Variants in PCBP3 observed in about 807,000 individuals in gnomAD.
PCBP3 encodes the protein poly(rC)-binding protein 3.
In PCBP3, 25 loss-of-function variants were observed where a neutral mutation model predicts 52.7. The observed-to-expected ratio is 0.47, with a 90% CI of 0.35 to 0.66. The LOEUF (loss-of-function observed/expected upper bound fraction) is 0.66. Among genes scored for constraint, PCBP3 ranks in the 30% least tolerant of loss-of-function variants. The pLI, the probability that PCBP3 is intolerant of heterozygous loss-of-function variation, is 0.01. For missense variants in PCBP3, 391 were observed against 490.3 expected (o/e 0.80, Z 1.91); for synonymous variants, 162 against 183.0 (o/e 0.89, Z 0.93).
rs369245 is a variant in PCBP3 at position 45,917,907 on chromosome 21, G to A, written c.717+278G>A. On this transcript the variant is annotated intron_variant, in intron 13 of 17. Transcript: ENST00000681687. The surrounding 1 kb of genome is among the most constrained non-coding windows in gnomAD (Gnocchi z 5.3). Reference sequence around the variant, plus strand: ...CTCCCACGGGGCCTGGGAGGGAACTGAGACGGGCTCTGTCCCCGTGCAGGG... The same window carrying A: ...CTCCCACGGGGCCTGGGAGGGAACTAAGACGGGCTCTGTCCCCGTGCAGGG... 0.22 allele frequency: 103,481 copies of A among 474,858 alleles called. 13,265 individuals are homozygous for A. Among genetic ancestry groups the A allele is most frequent in the Non-Finnish European group, 0.28 (70,674 of 254,602 alleles). 29.4% of individuals were successfully genotyped at this position (474,858 alleles called of 1,614,324 possible).
At chr21:45,646,772 A>G (rs1347656472) in intron 1 of PCBP3, among the ~76,000 whole-genome samples, 1 of 152,230 alleles carries the variant, frequency 6.6e-6, no homozygotes, top group Non-Finnish European at 1.5e-5. Flanking sequence ...TACAATATAG[A>G]CATACATCTG....
chr21:45,817,107 G>T lies in PCBP3; in HGVS notation c.-125-32854G>T, dbSNP rs921589866. Among the ~76,000 whole-genome samples the T allele has an allele frequency of 1.3e-5, 2 of 152,154 alleles. No homozygotes were observed. Among genetic ancestry groups the T allele is most frequent in the Non-Finnish European group, 2.9e-5 (2 of 68,030 alleles). The stretch of plus-strand genomic sequence containing the variant: ...ATATGCTACGCTGTTAAGAATTTGG[G>T]GTGTTGTGTTTGTTGTTTTTGGTTT... On this transcript the variant is annotated intron_variant, in intron 4 of 17. Transcript: ENST00000681687. The surrounding 1 kb of genome is among the most constrained non-coding windows in gnomAD (Gnocchi z 4.3).
At chr21:45,785,125 T>G (rs943876585) in intron 4 of PCBP3, among the ~76,000 whole-genome samples, 12 of 148,970 alleles carry the variant, frequency 8.1e-5, no homozygotes, top group African/African-American at 3.0e-4. Context: ...GTCTGAAAAG[T>G]GAGGAGACCC....
chr21:45,902,861 G>A (rs1051985284), intron 9 of PCBP3, among the ~76,000 whole-genome samples: 2 of 152,224 alleles, frequency 1.3e-5, no homozygotes, highest in African/African-American at 4.8e-5. Flanking sequence ...TTCCACCCAG[G>A]GCAGGCGGTG....
At chr21:45,876,703 C>T (rs561980342) in intron 5 of PCBP3, among the ~76,000 whole-genome samples, 1 of 152,250 alleles carries the variant, frequency 6.6e-6, no homozygotes, top group Admixed American at 6.5e-5. Context: ...GTCCTGGCCT[C>T]GTGCAGCCTG....
chr21:45,903,161 A>G (rs987915231), intron 9 of PCBP3, among the ~76,000 whole-genome samples: 1 of 152,054 alleles, frequency 6.6e-6, no homozygotes, highest in Non-Finnish European at 1.5e-5. Flanking sequence ...TGTCTGGTGG[A>G]GGCATATGGA....
At chr21:45,803,769 C>A (rs1219609021) in intron 4 of PCBP3, among the ~76,000 whole-genome samples, 1 of 152,182 alleles carries the variant, frequency 6.6e-6, no homozygotes, top group African/African-American at 2.4e-5. Flanking sequence ...TCTCCAGGAC[C>A]CAGATGGTGA....
At chr21:45,892,171 G>A (rs2095682368) in intron 5 of PCBP3, among the ~76,000 whole-genome samples, 1 of 152,196 alleles carries the variant, frequency 6.6e-6, no homozygotes, top group Non-Finnish European at 1.5e-5. Context: ...TACGAGGTGG[G>A]CGCTGTCACA....
At chr21:45,883,913 C>T (rs2095459300) in intron 5 of PCBP3, among the ~76,000 whole-genome samples, 1 of 152,146 alleles carries the variant, frequency 6.6e-6, no homozygotes. Flanking sequence ...GGGCTTAAAT[C>T]TGCCATTTCA....
intron 1 of PCBP3, among the ~76,000 whole-genome samples, chr21:45,646,057 C>T (rs1186245344): frequency 1.8e-5 from 2 of 111,064 alleles, no homozygotes; most frequent in Non-Finnish European, 3.6e-5. Flanking sequence ...ACCTGTTTCT[C>T]TCTCTCTCTC....
chr21:45,665,635 C>T (rs2080747425), intron 1 of PCBP3, among the ~76,000 whole-genome samples: 1 of 152,066 alleles, frequency 6.6e-6, no homozygotes, highest in African/African-American at 2.4e-5. Flanking sequence ...CAAAAATTCT[C>T]CCAATAAAAC....
chr21:45,812,322 T>G (rs2092705975), intron 4 of PCBP3, among the ~76,000 whole-genome samples: 1 of 152,196 alleles, frequency 6.6e-6, no homozygotes, highest in Non-Finnish European at 1.5e-5. Context: ...CTGTTTTCTG[T>G]TTTTGACACT....
chr21:45,878,531 A>G (rs575062969), intron 5 of PCBP3, among the ~76,000 whole-genome samples: 15 of 152,348 alleles, frequency 9.8e-5, no homozygotes, highest in African/African-American at 3.1e-4. Flanking sequence ...AAAGGCTTTG[A>G]CAAGGGGACT....
At chr21:45,663,713 A>T (rs747555591) in intron 1 of PCBP3, among the ~76,000 whole-genome samples, 1 of 151,988 alleles carries the variant, frequency 6.6e-6, no homozygotes, top group Admixed American at 6.6e-5. Context: ...CTGATTTTCT[A>T]TTCTGTCCCC....
At chr21:45,751,286 A>G (rs1182259449) in intron 3 of PCBP3, among the ~76,000 whole-genome samples, 1 of 152,186 alleles carries the variant, frequency 6.6e-6, no homozygotes, top group Non-Finnish European at 1.5e-5. Flanking sequence ...CACCTAAAAT[A>G]TACTAATGTA....
At chr21:45,781,920 T>C (rs2090663643) in intron 4 of PCBP3, among the ~76,000 whole-genome samples, 1 of 152,214 alleles carries the variant, frequency 6.6e-6, no homozygotes, top group Non-Finnish European at 1.5e-5. Flanking sequence ...TTTATATAAA[T>C]GGAAATGCAC....
intron 4 of PCBP3, among the ~76,000 whole-genome samples, chr21:45,792,285 C>T (rs2091650179): frequency 6.6e-6 from 1 of 152,268 alleles, no homozygotes; most frequent in Admixed American, 6.5e-5. Flanking sequence ...AAGAGAACCG[C>T]TGGGGCAGCC....
chr21:45,814,825 T>G, intron 4 of PCBP3, among the ~76,000 whole-genome samples: 2 of 93,430 alleles, frequency 2.1e-5, no homozygotes, highest in Admixed American at 1.1e-4. Context: ...TGGTGAGTGG[T>G]GAGTGAGTGG....
chr21:45,833,346 G>GC (rs934892014), intron 4 of PCBP3, among the ~76,000 whole-genome samples: 13 of 152,200 alleles, frequency 8.5e-5, no homozygotes, highest in Non-Finnish European at 1.5e-4. Flanking sequence ...AAAGCCTGTG[G>GC]CCCCCCAGGC....
Sources: gnomAD v4.1 joint callset for allele counts (sites outside exome capture counted in the v4.1 genomes callset) on GRCh38, gnomAD v4.1.1 for gene constraint, Gnocchi (gnomAD v3.1) non-coding constraint, MANE v1.5 for transcripts, NCBI Gene and HGNC (gene_info 2026-07-23, HGNC 2026-07-21) for gene names.